Variants in CNOT1 observed in about 807,000 individuals in gnomAD.
CNOT1 encodes the protein CCR4-NOT transcription complex subunit 1, also known as CCR4-associated factor 1.
In CNOT1, 15 loss-of-function variants were observed where a neutral mutation model predicts 273.8. The observed-to-expected ratio is 0.05, with a 90% CI of 0.04 to 0.08. The LOEUF is 0.08. Among genes scored for constraint, CNOT1 ranks in the 10% least tolerant of loss-of-function variants. The pLI is 1.00. For synonymous variants in CNOT1, 1,022 were observed against 1,005.5 expected (o/e 1.02, Z -0.31); for missense variants, 1,644 against 2,912.2 (o/e 0.56, Z 10.02).
intron 23 of CNOT1, 52 bp from the exon 24 acceptor site, chr16:58,551,324 G>A: frequency 6.6e-7 from 1 of 1,508,010 alleles, no homozygotes; most frequent in African/African-American, 1.4e-5. Context: ...ATGCTTCCCT[G>A]AAAAAAATCC....
intron 16 of CNOT1, among the ~76,000 whole-genome samples, chr16:58,571,268 C>T (rs925691272): frequency 5.3e-5 from 8 of 152,136 alleles, no homozygotes; most frequent in African/African-American, 1.9e-4. Context: ...AATATGTAAC[C>T]ATTAAGGCCG....
intron 8 of CNOT1, among the ~76,000 whole-genome samples, chr16:58,584,884 T>C (rs1450855343): frequency 2.6e-5 from 4 of 152,018 alleles, no homozygotes; most frequent in Non-Finnish European, 5.9e-5. Context: ...TGAAACAATA[T>C]CCTTTGGTGC....
intron 47 of CNOT1, chr16:58,523,132 C>G (rs2039465057): frequency 3.7e-6 from 1 of 267,916 alleles, no homozygotes; most frequent in Non-Finnish European, 6.9e-6. Context: ...GTAATCCCAG[C>G]TACTTGAGAG....
intron 1 of CNOT1, among the ~76,000 whole-genome samples, chr16:58,621,431 G>A (rs893549107): frequency 4.0e-5 from 6 of 151,696 alleles, no homozygotes; most frequent in African/African-American, 1.2e-4. Context: ...GCGCCACCAC[G>A]CCCAACTAAT....
intron 1 of CNOT1, among the ~76,000 whole-genome samples, chr16:58,604,858 C>T (rs1216079130): frequency 2.1e-5 from 3 of 141,562 alleles, no homozygotes; most frequent in South Asian, 2.3e-4. Flanking sequence ...ACACCAAAGC[C>T]GGGTGTGGTG....
At chr16:58,622,868 A>G (rs2043404163) in intron 1 of CNOT1, among the ~76,000 whole-genome samples, 1 of 151,570 alleles carries the variant, frequency 6.6e-6, no homozygotes, top group Non-Finnish European at 1.5e-5. Context: ...AAAAAGAAAG[A>G]AAGAAAAAGA....
intron 14 of CNOT1, 41 bp from the exon 15 acceptor site, chr16:58,575,170 TA>T (rs751711101): frequency 3.4e-5 from 54 of 1,598,432 alleles, no homozygotes; most frequent in Non-Finnish European, 4.4e-5. Flanking sequence ...ATGGAGCAAT[TA>T]AGTAACTATC....
chr16:58,581,986 A>G (rs552313679), intron 10 of CNOT1, among the ~76,000 whole-genome samples: 2 of 152,138 alleles, frequency 1.3e-5, no homozygotes, highest in South Asian at 4.2e-4. Context: ...TTTAATATCT[A>G]AAAGTTCCAT....
intron 1 of CNOT1, among the ~76,000 whole-genome samples, chr16:58,611,087 A>G (rs944643765): frequency 6.6e-6 from 1 of 152,076 alleles, no homozygotes; most frequent in African/African-American, 2.4e-5. Context: ...CCCAAGACCA[A>G]GAGAGTCAAC....
At chr16:58,593,550 C>T (rs1007408059) in intron 2 of CNOT1, among the ~76,000 whole-genome samples, 4 of 138,928 alleles carry the variant, frequency 2.9e-5, no homozygotes, top group Non-Finnish European at 4.6e-5. Context: ...GCAACAAGAG[C>T]GAAACTCCGT....
Position 58,525,528 on chromosome 16 carries a change from G to A in CNOT1, c.6604-169C>T. ...TAACAAACACACAGATGCTCCAAAG[G>A]TGGTTGTATCAATAAGAGAAATGTG... On this transcript the variant is annotated intron_variant, in intron 45 of 48. Transcript: ENST00000317147. The A allele has an allele frequency of 9.6e-6, 6 of 627,682 alleles. No homozygotes were observed. In the South Asian group the frequency reaches 1.2e-4, roughly 13 times the overall value. The allele number at this position is 627,682 out of a possible 1,614,324, so 38.9% of individuals were successfully genotyped here. A position where few individuals can be genotyped will look rare whatever the true frequency, so the allele number is the denominator to read the frequency against.
chr16:58,604,781 G>A, intron 1 of CNOT1, among the ~76,000 whole-genome samples: 1 of 121,560 alleles, frequency 8.2e-6, no homozygotes. Context: ...TGCGCAACAA[G>A]AGCGAAACTC....
chr16:58,554,358 G>A (rs1028362378), intron 21 of CNOT1, among the ~76,000 whole-genome samples: 6 of 152,264 alleles, frequency 3.9e-5, no homozygotes, highest in East Asian at 1.9e-4. Context: ...AGGGGAACAA[G>A]GAAACCTCTT....
intron 29 of CNOT1, among the ~76,000 whole-genome samples, 179 bp from the exon 30 acceptor site, chr16:58,545,670 G>GAGAT (rs2040236631): frequency 6.6e-6 from 1 of 152,162 alleles, no homozygotes; most frequent in Non-Finnish European, 1.5e-5. Flanking sequence ...TGTTATAACA[G>GAGAT]AGATATACAC....
At chr16:58,538,961 G>A (rs1305898663) in intron 35 of CNOT1, 47 bp from the exon 36 acceptor site, 1 of 1,592,212 alleles carries the variant, frequency 6.3e-7, no homozygotes, top group Non-Finnish European at 8.6e-7. Context: ...TACAGTGCTT[G>A]GCCCAACTAT....
intron 30 of CNOT1, among the ~76,000 whole-genome samples, chr16:58,544,856 C>T (rs2040206481): frequency 6.6e-6 from 1 of 152,222 alleles, no homozygotes; most frequent in African/African-American, 2.4e-5. Context: ...GGTCATCTTA[C>T]ATGACCATAT....
chr16:58,528,996 A>T (rs1213695184), intron 43 of CNOT1, among the ~76,000 whole-genome samples: 1 of 152,092 alleles, frequency 6.6e-6, no homozygotes, highest in African/African-American at 2.4e-5. Flanking sequence ...AGCATATAAT[A>T]AATTTTTTAA....
intron 21 of CNOT1, 56 bp downstream of exon 21, chr16:58,555,195 A>T: frequency 1.3e-6 from 2 of 1,588,392 alleles, no homozygotes; most frequent in Non-Finnish European, 1.7e-6. Context: ...ATGAGAGTTA[A>T]GACCCTGTCT....
At chr16:58,539,480 C>CACAG (rs1555494955) in intron 35 of CNOT1, among the ~76,000 whole-genome samples, 1 of 148,584 alleles carries the variant, frequency 6.7e-6, no homozygotes, top group Admixed American at 6.7e-5. Context: ...CACACACACA[C>CACAG]ACACACACAC....
Sources: gnomAD v4.1 joint callset for allele counts (sites outside exome capture counted in the v4.1 genomes callset) on GRCh38, gnomAD v4.1.1 for gene constraint, MANE v1.5 for transcripts, NCBI Gene and HGNC (gene_info 2026-07-23, HGNC 2026-07-21) for gene names.